The following KLK8 variants were observed in gnomAD, a reference collection of about 807,000 sequenced individuals.
KLK8 encodes kallikrein related peptidase 8, also known as kallikrein-8.
Under a neutral mutation model 26.7 loss-of-function variants are expected in KLK8, and 18 were observed. The ratio of observed to expected loss-of-function variants is 0.67; its 90% CI spans 0.47 to 1.00. KLK8 has a LOEUF of 1.00. Among genes scored for constraint, KLK8 ranks in the 50% least tolerant of loss-of-function variants. The probability of loss-of-function intolerance (pLI) is 0.00; values close to 1 mark genes in which losing one functional copy is unlikely to be tolerated. For synonymous variants in KLK8, 137 were observed against 127.1 expected, an observed-to-expected ratio of 1.08 and a Z score of -0.52; for missense variants, 301 against 331.7, an observed-to-expected ratio of 0.91 and a Z score of 0.72.
At chr19:50,998,111 CGT>C in intron 5 of KLK8, 1 of 534,730 alleles carries the variant, frequency 1.9e-6, no homozygotes, top group Non-Finnish European at 3.3e-6. Context: ...TTGGATCTCA[CGT>C]GTTTTTTCTT....
At chr19:51,000,956 C>T in intron 3 of KLK8, 142 bp downstream of exon 2, 1 of 861,334 alleles carries the variant, frequency 1.2e-6, no homozygotes, top group African/African-American at 1.7e-5. Flanking sequence ...GAGGAAAGCC[C>T]ACAGAGGCTC....
At chr19:50,996,261 C>T (rs746199041) in intron 6 of KLK8, 47 bp from the exon 6 acceptor site, 38 of 1,592,928 alleles carry the variant, frequency 2.4e-5, no homozygotes, top group Middle Eastern at 3.6e-4. Flanking sequence ...ATGTCCACAA[C>T]GTCCCTTTTC....
chr19:51,000,055 C>G, exon 5 of KLK8: 2 of 1,613,662 alleles, frequency 1.2e-6, no homozygotes, highest in Non-Finnish European at 1.7e-6. Flanking sequence ...AGGCTGGGTG[C>G]AATGATCTGC....
intron 5 of KLK8, chr19:50,999,159 T>C (rs149714082): frequency 9.9e-5 from 15 of 152,270 alleles, no homozygotes; most frequent in African/African-American, 3.4e-4. Context: ...GACAGCTTCA[T>C]TGGAGGTCCA....
rs368190760 is a variant in KLK8, at chr19:50,996,019, T to C, written c.*40A>G. 1.6e-4 allele frequency: 251 copies of C among 1,601,894 alleles called. 1 individual carries two copies. The Middle Eastern group carries it at 2.7e-3, about 17-fold the overall frequency. On this transcript the variant is annotated 3_prime_UTR_variant, in exon 7 of 7. Transcript: ENST00000600767. ...CAGAGACAGGCAAGGAACCAGAGAGTTGTGAGTTTATTAAGGGAGATCTAG... is the reference window on the plus strand; with the variant it reads ...CAGAGACAGGCAAGGAACCAGAGAGCTGTGAGTTTATTAAGGGAGATCTAG...
At chr19:50,997,812 G>A (rs752488314) in exon 6 of KLK8, 4 of 1,614,000 alleles carry the variant, frequency 2.5e-6, no homozygotes, top group East Asian at 2.2e-5. Flanking sequence ...GATCTGCCCC[G>A]GGTAAGCATC....
chr19:50,998,043 C>A, intron 5 of KLK8, 159 bp from the exon 5 acceptor site: 1 of 788,434 alleles, frequency 1.3e-6, no homozygotes, highest in Non-Finnish European at 2.0e-6. Flanking sequence ...CACTTCTCAC[C>A]ACATTAAACG....
chr19:50,996,264 C>T (rs762380369), intron 6 of KLK8, 50 bp from the exon 6 acceptor site: 2 of 1,589,678 alleles, frequency 1.3e-6, no homozygotes, highest in South Asian at 1.1e-5. Flanking sequence ...TCCACAACGT[C>T]CCTTTTCCTG....
At chr19:50,997,616 G>A (rs1175226234) in intron 6 of KLK8, 135 bp downstream of exon 5, 3 of 1,017,082 alleles carry the variant, frequency 2.9e-6, no homozygotes, top group African/African-American at 3.2e-5. Context: ...CTCCCAATCC[G>A]TAGAGATAGG....
rs1363415678 is a variant in KLK8, at chr19:51,000,055, C to T, written c.434G>A (p.Cys145Tyr). 2.5e-6 allele frequency: 4 copies of T among 1,613,544 alleles called. No individual in the cohort carries two copies. The Admixed American group carries it at 6.7e-5, about 27-fold the overall frequency. Residue 145 changes from cysteine to tyrosine, a missense_variant, in exon 5 of 7, where the codon TGC becomes TAC. By Grantham distance (194) the Cys-to-Tyr change is radical. Coordinates refer to ENST00000600767, the Ensembl canonical transcript of KLK8. ...GGTGCACTTCTGGCCAGGCTGGGTG[C>T]AATGATCTGCCAGGCTGATGGGCTT...
chr19:51,000,295 G>T (rs1418457620), intron 4 of KLK8, 37 bp from the exon 4 acceptor site: 7 of 1,552,324 alleles, frequency 4.5e-6, no homozygotes, highest in South Asian at 2.4e-5. Flanking sequence ...CCAGGCAGGG[G>T]TATTGCCCCC....
exon 7 of KLK8, chr19:50,996,121 C>T (rs56296296): frequency 2.3e-5 from 37 of 1,614,076 alleles, no homozygotes; most frequent in East Asian, 6.7e-5. Context: ...TTGGTATAGA[C>T]GCCAGGTTTG....
intron 6 of KLK8, among the ~76,000 whole-genome samples, chr19:50,997,078 A>C (rs1722560): frequency 0.55 from 83,967 of 151,966 alleles, 25,598 homozygotes; most frequent in African/African-American, 0.82. Context: ...AAAGCATTGT[A>C]TTTAGGGACC....
At chr19:51,000,789 A>G in intron 3 of KLK8, 1 of 1,417,770 alleles carries the variant, frequency 7.1e-7, no homozygotes, top group Non-Finnish European at 9.5e-7. Context: ...GAATGCCCCC[A>G]CATGCTTCCA....
At chr19:50,996,703 G>A (rs897557641) in intron 6 of KLK8, among the ~76,000 whole-genome samples, 3 of 149,212 alleles carry the variant, frequency 2.0e-5, no homozygotes, top group African/African-American at 7.5e-5. Context: ...CTGCATTCCA[G>A]CTTGGGGGAC....
intron 5 of KLK8, chr19:50,998,093 A>T (rs536656038): frequency 1.8e-6 from 1 of 566,280 alleles, no homozygotes; most frequent in East Asian, 3.2e-5. Context: ...CCATCTAGAG[A>T]GGGGCCCTTG....
At chr19:50,996,155 G>A (rs2091163656) in exon 7 of KLK8, 1 of 1,614,194 alleles carries the variant, frequency 6.2e-7, no homozygotes, top group East Asian at 2.2e-5. Context: ...AGGGGTCTGA[G>A]CCCCAGGATG....
chr19:50,998,218 A>G (rs2091188112), intron 5 of KLK8, among the ~76,000 whole-genome samples: 1 of 152,048 alleles, frequency 6.6e-6, no homozygotes, highest in Non-Finnish European at 1.5e-5. Context: ...TCCTGCCCTC[A>G]GACAACCGGG....
At chr19:50,999,951 C>A in intron 5 of KLK8, 45 bp downstream of exon 4, 1 of 1,548,150 alleles carries the variant, frequency 6.5e-7, no homozygotes. Flanking sequence ...TCCACTGGGC[C>A]AACCAGCTCC....
Sources: allele counts gnomAD v4.1 joint callset (sites outside exome capture counted in the v4.1 genomes callset), GRCh38; gene constraint gnomAD v4.1.1; transcripts MANE v1.5; gene names NCBI Gene and HGNC (gene_info 2026-07-23, HGNC 2026-07-21).